TGM5: variants seen among roughly 807,000 people sequenced by gnomAD.
TGM5 encodes protein-glutamine gamma-glutamyltransferase 5.
In TGM5, 69 loss-of-function variants were observed where a neutral mutation model predicts 77.2. The ratio of observed to expected loss-of-function variants is 0.89; its 90% CI spans 0.74 to 1.09. The LOEUF (loss-of-function observed/expected upper bound fraction) is 1.09. Ranked by LOEUF, TGM5 falls within the 50% of genes least tolerant of loss-of-function variation. The pLI is 0.00. For synonymous variants in TGM5, 346 were observed against 351.8 expected, an observed-to-expected ratio of 0.98 and a Z score of 0.18; for missense variants, 842 against 896.5, an observed-to-expected ratio of 0.94 and a Z score of 0.78.
intron 1 of TGM5, among the ~76,000 whole-genome samples, chr15:43,261,076 GTTTTTTTTTTTTTT>G (rs1555384178): frequency 1.8e-5 from 1 of 56,884 alleles, no homozygotes. Context: ...TTGTGTGTGT[GTTTTTTTTTTTTTT>G]TTTTTTTTTT....
At chr15:43,253,034 G>A in intron 5 of TGM5, 98 bp from the exon 6 acceptor site, 1 of 1,356,552 alleles carries the variant, frequency 7.4e-7, no homozygotes, top group East Asian at 2.3e-5. Context: ...GAGAAACAGA[G>A]GAGAGACTTT....
At chr15:43,233,512 G>A (rs56146507) in intron 12 of TGM5, 42 bp downstream of exon 12, 1 of 1,613,758 alleles carries the variant, frequency 6.2e-7, no homozygotes, top group Non-Finnish European at 8.5e-7. Context: ...GCTAATCTCA[G>A]GGGGGAAAAA....
At chr15:43,262,220 C>T (rs750810662) in intron 1 of TGM5, among the ~76,000 whole-genome samples, 32 of 152,216 alleles carry the variant, frequency 2.1e-4, no homozygotes, top group Non-Finnish European at 3.7e-4. Context: ...TTACCTGAAT[C>T]GCTCATCTGC....
chr15:43,266,238 A>G (rs1052999533), intron 1 of TGM5, among the ~76,000 whole-genome samples: 2 of 152,256 alleles, frequency 1.3e-5, no homozygotes, highest in African/African-American at 4.8e-5. Flanking sequence ...TAAGGTTGTT[A>G]CAGTTGTAGA....
In TGM5 at chr15:43,233,010, C is replaced by T; in HGVS notation, c.*181G>A. On this transcript the variant is annotated 3_prime_UTR_variant, in exon 13 of 13. Coordinates refer to ENST00000220420, the MANE Select transcript of TGM5 (RefSeq NM_201631.4). ...GTAAACAAAGCAAAGTCTTTGCCCTCATGGAGCTTAAATTTCTAGTGGAGT... is the reference window on the plus strand; with the variant it reads ...GTAAACAAAGCAAAGTCTTTGCCCTTATGGAGCTTAAATTTCTAGTGGAGT... The T allele has an allele frequency of 1.3e-6, 1 of 743,378 alleles. No homozygotes were observed. The highest frequency in any genetic ancestry group is 2.2e-6 in the Non-Finnish European group (1 of 461,630). 46.0% of individuals were successfully genotyped at this position (743,378 alleles called of 1,614,324 possible). A position where few individuals can be genotyped will look rare whatever the true frequency, so the allele number is the denominator to read the frequency against.
At chr15:43,240,133 C>T (rs1252670493) in intron 7 of TGM5, among the ~76,000 whole-genome samples, 5 of 152,156 alleles carry the variant, frequency 3.3e-5, no homozygotes, top group Non-Finnish European at 7.3e-5. Context: ...CCTAGCTTTC[C>T]TTCTGCCTTT....
intron 6 of TGM5, among the ~76,000 whole-genome samples, chr15:43,251,282 G>A (rs1212110201): frequency 2.0e-5 from 3 of 151,848 alleles, no homozygotes; most frequent in South Asian, 2.1e-4. Context: ...TAATCTTGGG[G>A]CTTACTGATC....
intron 5 of TGM5, among the ~76,000 whole-genome samples, chr15:43,253,301 A>G (rs1021572035): frequency 2.0e-5 from 3 of 152,202 alleles, no homozygotes; most frequent in African/African-American, 4.8e-5. Context: ...AAAACATGCA[A>G]TTTGGAATTA....
In TGM5 at chr15:43,260,817, A is replaced by G. The variant is rs575033171; in HGVS notation, c.11-238T>C. On this transcript the variant is annotated intron_variant, in intron 1 of 12. Coordinates refer to ENST00000220420, the MANE Select transcript of TGM5 (RefSeq NM_201631.4). The stretch of plus-strand genomic sequence containing the variant: ...TCCTCTCCTATCTCTCTGACCCTCT[A>G]TCTTCTTCTCCCTTACACCCTCCTG... 1.0e-5 allele frequency: 6 copies of G among 598,754 alleles called. No individual in the cohort carries two copies. In the East Asian group the frequency reaches 1.5e-4, roughly 15 times the overall value. The allele number at this position is 598,754 out of a possible 1,614,324, so 37.1% of individuals were successfully genotyped here.
rs2142362592 is a variant in TGM5, at chr15:43,241,957, A to G, written c.863-967T>C. ...GCCCGGCCTCTGTGCTCTTTTAAGT[A>G]CAGGAAAATCTGACCATGAAATGCT... On this transcript the variant is annotated intron_variant, in intron 6 of 12. Coordinates refer to ENST00000220420, the MANE Select transcript of TGM5 (RefSeq NM_201631.4). 2.0e-5 allele frequency among the ~76,000 whole-genome samples: 3 copies of G among 152,250 alleles called. 1 individual carries two copies. Among genetic ancestry groups the G allele is most frequent in the Admixed American group, 2.0e-4 (3 of 15,288 alleles).
Position 43,240,981 on chromosome 15 carries a change from CA to C in TGM5, c.871del (p.Cys291ValfsTer8). ...GATCACACGGGTAGGGATCCCCAGA[CA>C]CCTCATCACTGCAAAAAGGGCACAA... is the stretch of plus-strand genomic sequence containing the variant. Reference protein sequence around the residue: ...FAAVMCTVMRCLGIPTRVITN... With the variant: ...FAAVMCTVMRXLGIPTRVITN... On this transcript the variant is annotated frameshift_variant, in exon 7 of 13. Coordinates refer to ENST00000220420, the MANE Select transcript of TGM5 (RefSeq NM_201631.4). LOFTEE classifies it high-confidence loss of function. 6.2e-7 allele frequency: 1 copy of C among 1,614,184 alleles called. No individual in the cohort carries two copies. The highest frequency in any genetic ancestry group is 8.5e-7 in the Non-Finnish European group (1 of 1,180,042).
intron 6 of TGM5, among the ~76,000 whole-genome samples, chr15:43,246,366 G>A (rs2042670173): frequency 6.6e-6 from 1 of 152,182 alleles, no homozygotes; most frequent in African/African-American, 2.4e-5. Flanking sequence ...GCCACTTCAT[G>A]CTAGCAAAGA....
At chr15:43,258,495 G>A (rs2142379723) in intron 3 of TGM5, among the ~76,000 whole-genome samples, 1 of 152,360 alleles carries the variant, frequency 6.6e-6, no homozygotes, top group Non-Finnish European at 1.5e-5. Flanking sequence ...AACTCTGTCT[G>A]ACCCTGAGGG....
rs1226128528 is a variant in TGM5 at position 43,256,582 on chromosome 15, A to G, written c.541T>C (p.Trp181Arg). 6.2e-7 allele frequency: 1 copy of G among 1,613,840 alleles called. No homozygotes were observed. Among genetic ancestry groups the G allele is most frequent in the African/African-American group, 1.3e-5 (1 of 74,918 alleles). The part of the protein sequence containing the change: ...GSKNWIRPCP[W>R]NYGQFEDKII... ...CTGAGACTCACCTGTCCATAGTTCC[A>G]GGGACATGGGCGGATCCAGTTCTTG... The change falls in exon 4 of 13, where the codon TGG becomes CGG. Residue 181 changes from tryptophan to arginine, a missense_variant. By Grantham distance (101) the Trp-to-Arg change is moderately radical. Around this residue, in one of 2 missense-constraint regions of TGM5, gnomAD observed 815 missense variants for 844.6 expected, o/e 0.96. Coordinates refer to ENST00000220420, the MANE Select transcript of TGM5 (RefSeq NM_201631.4).
chr15:43,241,142 C>A, intron 6 of TGM5, 152 bp from the exon 7 acceptor site: 1 of 1,013,382 alleles, frequency 9.9e-7, no homozygotes, highest in Non-Finnish European at 1.5e-6. Context: ...GTGATATTTC[C>A]AACTTCCTTC....
chr15:43,233,629 G>C lies in TGM5; in HGVS notation c.1934C>G (p.Pro645Arg). 6.2e-7 allele frequency: 1 copy of C among 1,614,162 alleles called. No individual in the cohort carries two copies. The highest frequency in any genetic ancestry group is 8.5e-7 in the Non-Finnish European group (1 of 1,180,034). ...PLSIQVIFSN[P>R]LSEQVEDCVL... ...ACAGTCCTCAACCTGCTCCGAGAGGGGGTTTGAAAATATCACCTGTATGGA... is the reference window on the plus strand; with the variant it reads ...ACAGTCCTCAACCTGCTCCGAGAGGCGGTTTGAAAATATCACCTGTATGGA... The change falls in exon 12 of 13, where the codon CCC becomes CGC. Residue 645 changes from proline (P) to arginine (R), a missense_variant. Physicochemically the swap from Pro to Arg is moderately radical, Grantham distance 103 (BLOSUM62 -2). Transcript: ENST00000220420.
chr15:43,239,114 G>C, intron 8 of TGM5, 49 bp downstream of exon 8: 1 of 1,614,118 alleles, frequency 6.2e-7, no homozygotes, highest in Non-Finnish European at 8.5e-7. Context: ...GGCAGGGGTG[G>C]GGTGCTTTCC....
intron 9 of TGM5, among the ~76,000 whole-genome samples, chr15:43,238,330 C>T (rs1160031620): frequency 2.6e-5 from 4 of 152,238 alleles, no homozygotes; most frequent in Non-Finnish European, 5.9e-5. Context: ...ACAGCCTCCC[C>T]TGTGACCCTG....
At chr15:43,263,594 C>A (rs995783302) in intron 1 of TGM5, among the ~76,000 whole-genome samples, 1 of 152,188 alleles carries the variant, frequency 6.6e-6, no homozygotes, top group African/African-American at 2.4e-5. Context: ...GGTGCTGGGA[C>A]AAGTGGATAT....
Sources: gnomAD v4.1 joint callset for allele counts (sites outside exome capture counted in the v4.1 genomes callset) on GRCh38, gnomAD v4.1.1 for gene constraint, gnomAD v4.1.1 regional missense constraint, MANE v1.5 for transcripts, NCBI Gene and HGNC (gene_info 2026-07-23, HGNC 2026-07-21) for gene names.